The following WWOX variants were observed in gnomAD, a reference collection of about 807,000 sequenced individuals.
The protein encoded by WWOX is WW domain containing oxidoreductase.
A neutral mutation model predicts 46.2 loss-of-function variants in WWOX; 69 were observed. The observed-to-expected ratio is 1.49, with a 90% CI of 1.23 to 1.82. The LOEUF (loss-of-function observed/expected upper bound fraction) is 1.82. Among genes scored for constraint, WWOX ranks in the 40% most tolerant of loss-of-function variants. WWOX has a pLI of 0.00. For missense variants in WWOX, 919 were observed against 542.6 expected, an observed-to-expected ratio of 1.69 and a Z score of -6.89; for synonymous variants, 359 against 202.6, an observed-to-expected ratio of 1.77 and a Z score of -6.56.
chr16:78,929,176 C>T (rs1410313471), intron 8 of WWOX, among the ~76,000 whole-genome samples: 4 of 151,920 alleles, frequency 2.6e-5, no homozygotes, highest in Non-Finnish European at 4.4e-5. Flanking sequence ...ATTTTCAGAC[C>T]GTAAATTGAA....
At chr16:78,888,653 C>G (rs1025844350) in intron 8 of WWOX, among the ~76,000 whole-genome samples, 3 of 152,056 alleles carry the variant, frequency 2.0e-5, no homozygotes, top group Admixed American at 2.0e-4. Context: ...TTTTATGTTG[C>G]CACTAGGAGT....
chr16:78,789,448 C>T (rs373300140), intron 8 of WWOX, among the ~76,000 whole-genome samples: 3 of 152,252 alleles, frequency 2.0e-5, no homozygotes, highest in South Asian at 2.1e-4. Context: ...TATCAGAGAT[C>T]AATTGGCCAT....
intron 8 of WWOX, among the ~76,000 whole-genome samples, chr16:78,453,388 A>G (rs1206729061): frequency 2.6e-5 from 4 of 151,676 alleles, no homozygotes; most frequent in African/African-American, 9.7e-5. Context: ...ACGCCACAGC[A>G]CTTCAGCCTG....
intron 8 of WWOX, among the ~76,000 whole-genome samples, chr16:78,749,020 T>C (rs550189834): frequency 6.6e-6 from 1 of 152,238 alleles, no homozygotes; most frequent in African/African-American, 2.4e-5. Flanking sequence ...AGCAGTGGGA[T>C]CAGAGAAATT....
At chr16:79,153,099 C>G (rs563477353) in intron 8 of WWOX, among the ~76,000 whole-genome samples, 1 of 152,164 alleles carries the variant, frequency 6.6e-6, no homozygotes, top group Admixed American at 6.5e-5. Flanking sequence ...TCCAAACTCA[C>G]TTGAGTACAC....
intron 8 of WWOX, among the ~76,000 whole-genome samples, chr16:79,081,767 G>A (rs918619321): frequency 6.6e-6 from 1 of 152,104 alleles, no homozygotes; most frequent in African/African-American, 2.4e-5. Flanking sequence ...CCTGTCTCAC[G>A]CTGGATGCTC....
intron 8 of WWOX, among the ~76,000 whole-genome samples, chr16:78,930,578 G>A (rs1033875119): frequency 2.7e-5 from 4 of 148,532 alleles, no homozygotes; most frequent in Admixed American, 6.7e-5. Flanking sequence ...GGCATAGGCT[G>A]CTGCACCAGG....
At chr16:79,012,758 C>G (rs529274491) in intron 8 of WWOX, among the ~76,000 whole-genome samples, 3 of 152,348 alleles carry the variant, frequency 2.0e-5, no homozygotes, top group African/African-American at 7.2e-5. Context: ...TGGTGGCCAG[C>G]CAGCCCCTGA....
chr16:78,403,411 T>C (rs1047897734), intron 6 of WWOX, among the ~76,000 whole-genome samples: 1 of 152,242 alleles, frequency 6.6e-6, no homozygotes, highest in African/African-American at 2.4e-5. Context: ...GCAGAATTTA[T>C]GCATCCATGA....
chr16:78,981,393 G>A (rs2046678838), intron 8 of WWOX, among the ~76,000 whole-genome samples: 1 of 151,966 alleles, frequency 6.6e-6, no homozygotes, highest in Non-Finnish European at 1.5e-5. Flanking sequence ...GTGGGCAGCT[G>A]TCCATGCAGC....
chr16:78,618,841 C>T (rs918460431), intron 8 of WWOX, among the ~76,000 whole-genome samples: 2 of 151,668 alleles, frequency 1.3e-5, no homozygotes. Flanking sequence ...ATCACTCAGA[C>T]CCAGCTGACA....
chr16:78,922,158 A>G (rs757440129), intron 8 of WWOX, among the ~76,000 whole-genome samples: 1 of 152,188 alleles, frequency 6.6e-6, no homozygotes, highest in Non-Finnish European at 1.5e-5. Flanking sequence ...TTGCCCACAT[A>G]TTTGATCTCA....
intron 8 of WWOX, among the ~76,000 whole-genome samples, chr16:79,025,889 C>T (rs750707778): frequency 6.7e-6 from 1 of 148,500 alleles, no homozygotes; most frequent in Non-Finnish European, 1.5e-5. Context: ...GCCTCCGCCT[C>T]CTGGGTTCAA....
chr16:79,056,128 T>G (rs2048257471), intron 8 of WWOX, among the ~76,000 whole-genome samples: 1 of 151,944 alleles, frequency 6.6e-6, no homozygotes, highest in Non-Finnish European at 1.5e-5. Flanking sequence ...TCTCATCTTG[T>G]AAAACCAGCC....
At chr16:79,042,644 C>T (rs1434277959) in intron 8 of WWOX, among the ~76,000 whole-genome samples, 2 of 151,946 alleles carry the variant, frequency 1.3e-5, no homozygotes, top group Non-Finnish European at 2.9e-5. Context: ...TGCAGTTAAT[C>T]ATACGCATAC....
At chr16:78,261,639 T>C (rs1188803816) in intron 5 of WWOX, among the ~76,000 whole-genome samples, 1 of 150,008 alleles carries the variant, frequency 6.7e-6, no homozygotes, top group Non-Finnish European at 1.5e-5. Context: ...TGTTTGGGAA[T>C]CAGGGAGACT....
At chr16:78,590,881 C>G (rs1259018714) in intron 8 of WWOX, among the ~76,000 whole-genome samples, 1 of 152,144 alleles carries the variant, frequency 6.6e-6, no homozygotes, top group Non-Finnish European at 1.5e-5. Flanking sequence ...AGCGTTTAGA[C>G]AACACCAGCT....
intron 8 of WWOX, among the ~76,000 whole-genome samples, chr16:78,903,039 C>G (rs950940443): frequency 1.6e-4 from 25 of 152,090 alleles, no homozygotes; most frequent in African/African-American, 5.8e-4. Context: ...AATGCACAAA[C>G]AAAGCAAGAG....
intron 8 of WWOX, among the ~76,000 whole-genome samples, chr16:78,454,979 T>C (rs1337119257): frequency 6.6e-6 from 1 of 152,252 alleles, no homozygotes; most frequent in East Asian, 1.9e-4. Context: ...GTGCCCCACA[T>C]GTCAGGTACT....
Sources: gnomAD v4.1 joint callset for allele counts (sites outside exome capture counted in the v4.1 genomes callset) on GRCh38, gnomAD v4.1.1 for gene constraint, MANE v1.5 for transcripts, NCBI Gene and HGNC (gene_info 2026-07-23, HGNC 2026-07-21) for gene names.